NOL10: variants seen among roughly 807,000 people sequenced by gnomAD.
The protein encoded by NOL10 is nucleolar protein 10.
In NOL10, 58 loss-of-function variants were observed where a neutral mutation model predicts 103.5. That is an observed-to-expected ratio of 0.56 (90% confidence interval 0.45 to 0.70). The LOEUF is 0.70. Among genes scored for constraint, NOL10 ranks in the 30% least tolerant of loss-of-function variants. NOL10 has a pLI of 0.00. For synonymous variants in NOL10, 287 were observed against 282.5 expected, an observed-to-expected ratio of 1.02 and a Z score of -0.16; for missense variants, 763 against 807.3, an observed-to-expected ratio of 0.95 and a Z score of 0.67.
intron 13 of NOL10, among the ~76,000 whole-genome samples, chr2:10,628,137 A>G (rs1677601062): frequency 6.6e-6 from 1 of 152,162 alleles, no homozygotes; most frequent in African/African-American, 2.4e-5. Flanking sequence ...CATACAAGGT[A>G]GCTTTCTTGC....
At chr2:10,579,307 T>G (rs1674629912) in intron 19 of NOL10, among the ~76,000 whole-genome samples, 1 of 152,234 alleles carries the variant, frequency 6.6e-6, no homozygotes, top group African/African-American at 2.4e-5. Context: ...TAATTAATCC[T>G]TTCAACATCC....
chr2:10,596,352 C>T (rs2010073), intron 17 of NOL10, among the ~76,000 whole-genome samples: 89,445 of 151,312 alleles, frequency 0.59, 27,464 homozygotes, highest in African/African-American at 0.74. Context: ...ACTGTAATAA[C>T]AATGAAATAA....
chr2:10,652,611 G>A (rs924554058), intron 12 of NOL10, among the ~76,000 whole-genome samples: 6 of 151,998 alleles, frequency 3.9e-5, no homozygotes, highest in African/African-American at 1.5e-4. Context: ...AAAACCGTGG[G>A]GCCTGGCACT....
At chr2:10,593,935 G>A (rs1675527942) in intron 17 of NOL10, among the ~76,000 whole-genome samples, 1 of 152,192 alleles carries the variant, frequency 6.6e-6, no homozygotes, top group African/African-American at 2.4e-5. Flanking sequence ...GACATGTGCA[G>A]TGTCCTTCCC....
chr2:10,583,228 G>T (rs2148149828), intron 19 of NOL10, among the ~76,000 whole-genome samples: 1 of 152,312 alleles, frequency 6.6e-6, no homozygotes, highest in African/African-American at 2.4e-5. Context: ...GTACATCTGT[G>T]AATTCTCTAA....
chr2:10,688,785 T>C (rs186249870), intron 1 of NOL10, among the ~76,000 whole-genome samples: 1 of 152,238 alleles, frequency 6.6e-6, no homozygotes, highest in Admixed American at 6.5e-5. Flanking sequence ...TCTCAATACA[T>C]GTGGAGAATG....
At chr2:10,584,779 C>T (rs1424470393) in intron 19 of NOL10, among the ~76,000 whole-genome samples, 4 of 152,038 alleles carry the variant, frequency 2.6e-5, no homozygotes, top group Non-Finnish European at 4.4e-5. Flanking sequence ...GAATGTTTAA[C>T]TTGGTTATAT....
intron 8 of NOL10, among the ~76,000 whole-genome samples, chr2:10,665,520 C>A (rs1680513582): frequency 6.6e-6 from 1 of 152,218 alleles, no homozygotes; most frequent in African/African-American, 2.4e-5. Context: ...GCTTATGAAA[C>A]TGCAAGCTGC....
chr2:10,623,709 C>A (rs964552432), intron 13 of NOL10, among the ~76,000 whole-genome samples: 16 of 152,238 alleles, frequency 1.1e-4, no homozygotes, highest in Admixed American at 6.5e-5. Flanking sequence ...CCCAGCCCCC[C>A]AAATACTCAA....
rs1326958786 is a variant in NOL10, at chr2:10,657,772, A to T, written c.876T>A (p.Ser292=). The change falls in exon 11 of 21, where the codon TCT becomes TCA. Residue 292 remains serine, a synonymous_variant. Coordinates refer to ENST00000381685, the MANE Select transcript of NOL10 (RefSeq NM_024894.4). ...DSLDLILSAD[S]RIVKMWNKNS... ...TCTTATTCCACATCTTGACAATTCG[A>T]GAGTCAGCAGACAAAATCAGATCTA... 1.3e-6 allele frequency: 2 copies of T among 1,551,234 alleles called. No homozygotes were observed. The highest frequency in any genetic ancestry group is 4.9e-5 in the East Asian group (2 of 40,894).
At chr2:10,612,692 C>G in intron 13 of NOL10, among the ~76,000 whole-genome samples, 1 of 151,874 alleles carries the variant, frequency 6.6e-6, no homozygotes. Context: ...TTAGTAGAGA[C>G]GGGGTTTCAC....
intron 13 of NOL10, among the ~76,000 whole-genome samples, chr2:10,633,789 A>ATG (rs1484616527): frequency 4.9e-4 from 66 of 133,980 alleles, no homozygotes; most frequent in Middle Eastern, 4.0e-3. Flanking sequence ...TTTTGTTTAT[A>ATG]TGTATGTGTG....
chr2:10,654,248 A>C (rs1679675585), intron 12 of NOL10, among the ~76,000 whole-genome samples: 1 of 152,212 alleles, frequency 6.6e-6, no homozygotes, highest in Non-Finnish European at 1.5e-5. Context: ...CGGGCTGAGC[A>C]CTGAGTCATT....
At chr2:10,681,322 T>A (rs1681739402) in intron 3 of NOL10, among the ~76,000 whole-genome samples, 1 of 152,024 alleles carries the variant, frequency 6.6e-6, no homozygotes, top group African/African-American at 2.4e-5. Flanking sequence ...TAACAACATG[T>A]ATGAACCTCA....
At chr2:10,604,277 T>C (rs572388579) in intron 14 of NOL10, among the ~76,000 whole-genome samples, 2 of 152,220 alleles carry the variant, frequency 1.3e-5, no homozygotes, top group Non-Finnish European at 2.9e-5. Context: ...TAAGTGACTG[T>C]CTTTCTAAGG....
chr2:10,587,134 T>C lies in NOL10; in HGVS notation c.1844+1909A>G, dbSNP rs1572239247. ...ACATATATATACATATATATACATA[T>C]ATACACATATATATACATATATACA... On this transcript the variant is annotated intron_variant, in intron 19 of 20. Transcript: ENST00000381685. Among the ~76,000 whole-genome samples, 2 of 49,276 alleles carry C rather than the reference T, an allele frequency of 4.1e-5. 1 individual carries two copies. Among genetic ancestry groups the C allele is most frequent in the Non-Finnish European group, 7.7e-5 (2 of 26,104 alleles). The allele number at this position is 49,276 out of a possible 152,430, so 32.3% of individuals were successfully genotyped here.
chr2:10,619,424 G>T (rs1677006309), intron 13 of NOL10, among the ~76,000 whole-genome samples: 1 of 152,186 alleles, frequency 6.6e-6, no homozygotes. Context: ...AAAGCAATGG[G>T]AGTACAGTTG....
At chr2:10,684,683 T>C in intron 1 of NOL10, 71 bp from the exon 2 acceptor site, 1 of 1,099,120 alleles carries the variant, frequency 9.1e-7, no homozygotes, top group South Asian at 1.4e-5. Flanking sequence ...GCAAAATCAA[T>C]ACATGCTTAT....
chr2:10,640,197 T>C lies in NOL10; in HGVS notation c.1026+4123A>G, dbSNP rs368287125. On this transcript the variant is annotated intron_variant, in intron 13 of 20. Transcript: ENST00000381685. ...TTAAACACACATTTCTTTGGTTCTATAGGCCTCAAATGAACCTTCCTGCCA... is the reference window on the plus strand; with the variant it reads ...TTAAACACACATTTCTTTGGTTCTACAGGCCTCAAATGAACCTTCCTGCCA... Among the ~76,000 whole-genome samples the C allele has an allele frequency of 2.8e-3, 426 of 152,370 alleles. 3 individuals are homozygous for C. The highest frequency in any genetic ancestry group is 0.016 in the South Asian group (75 of 4,832).
Sources: gnomAD v4.1 joint callset for allele counts (sites outside exome capture counted in the v4.1 genomes callset) on GRCh38, gnomAD v4.1.1 for gene constraint, MANE v1.5 for transcripts, NCBI Gene and HGNC (gene_info 2026-07-23, HGNC 2026-07-21) for gene names.